GRM7: variants seen among roughly 807,000 people sequenced by gnomAD.
GRM7 encodes glutamate metabotropic receptor 7.
In GRM7, 35 loss-of-function variants were observed where a neutral mutation model predicts 84.5. The ratio of observed to expected loss-of-function variants is 0.41; its 90% CI spans 0.32 to 0.55. The LOEUF (loss-of-function observed/expected upper bound fraction) is 0.55. Ranked by LOEUF, GRM7 falls within the 20% of genes least tolerant of loss-of-function variation. The pLI, the probability that GRM7 is intolerant of heterozygous loss-of-function variation, is 0.19. For missense variants in GRM7, 1,003 were observed against 1,194.6 expected, an observed-to-expected ratio of 0.84 and a Z score of 2.36; for synonymous variants, 487 against 455.1, an observed-to-expected ratio of 1.07 and a Z score of -0.89.
chr3:7,147,355 G>A (rs1694143684), intron 2 of GRM7, among the ~76,000 whole-genome samples: 1 of 152,120 alleles, frequency 6.6e-6, no homozygotes, highest in Non-Finnish European at 1.5e-5. Context: ...CTGACAATAA[G>A]TATTCAGGTT....
chr3:7,354,670 C>A (rs183795233), intron 4 of GRM7, among the ~76,000 whole-genome samples: 2 of 152,128 alleles, frequency 1.3e-5, no homozygotes, highest in Admixed American at 6.6e-5. Context: ...GTGAAGAAGA[C>A]AGATGGATCC....
intron 2 of GRM7, among the ~76,000 whole-genome samples, chr3:7,160,856 A>G (rs574333338): frequency 6.6e-6 from 1 of 152,040 alleles, no homozygotes; most frequent in African/African-American, 2.4e-5. Context: ...CAGCATCCGT[A>G]TCCTGTTTGA....
intron 7 of GRM7, among the ~76,000 whole-genome samples, chr3:7,565,143 A>C (rs1285341122): frequency 6.6e-6 from 1 of 152,216 alleles, no homozygotes; most frequent in African/African-American, 2.4e-5. Flanking sequence ...GAGACTCACA[A>C]AAGTAATTAT....
At chr3:7,611,040 A>G (rs892765609) in intron 8 of GRM7, among the ~76,000 whole-genome samples, 2 of 152,166 alleles carry the variant, frequency 1.3e-5, no homozygotes, top group Non-Finnish European at 2.9e-5. Context: ...ATGCGAGAGA[A>G]TATATTGAAT....
At chr3:7,323,367 A>C (rs1372095630) in intron 4 of GRM7, among the ~76,000 whole-genome samples, 1 of 152,154 alleles carries the variant, frequency 6.6e-6, no homozygotes, top group African/African-American at 2.4e-5. Flanking sequence ...TCCACCCCAT[A>C]ACACCAACAA....
intron 7 of GRM7, among the ~76,000 whole-genome samples, chr3:7,463,700 C>T (rs1698345411): frequency 6.6e-6 from 1 of 151,998 alleles, no homozygotes; most frequent in African/African-American, 2.4e-5. Context: ...ACTAGAGTGA[C>T]CAGCAGGTCA....
intron 2 of GRM7, among the ~76,000 whole-genome samples, chr3:7,279,998 C>A (rs1209220091): frequency 3.9e-5 from 6 of 152,144 alleles, no homozygotes; most frequent in Non-Finnish European, 8.8e-5. Flanking sequence ...AGACTGGTGA[C>A]CACAGGAGAA....
chr3:7,560,729 A>T (rs1280317101), intron 7 of GRM7, among the ~76,000 whole-genome samples: 1 of 152,042 alleles, frequency 6.6e-6, no homozygotes, highest in African/African-American at 2.4e-5. Flanking sequence ...TCATGTTTTC[A>T]CCTTTCAGAT....
chr3:6,930,219 A>G (rs1470603103), intron 1 of GRM7, among the ~76,000 whole-genome samples: 1 of 152,186 alleles, frequency 6.6e-6, no homozygotes, highest in Non-Finnish European at 1.5e-5. Flanking sequence ...AGTATTAGAG[A>G]TAATATATGT....
At chr3:7,061,566 A>C (rs995290701) in intron 1 of GRM7, among the ~76,000 whole-genome samples, 1 of 151,742 alleles carries the variant, frequency 6.6e-6, no homozygotes, top group Non-Finnish European at 1.5e-5. Flanking sequence ...ACATTTATAT[A>C]TTACCCTTTC....
chr3:6,863,968 T>C lies in GRM7; in HGVS notation c.519+2061T>C, dbSNP rs1694852974. 6.6e-6 allele frequency among the ~76,000 whole-genome samples: 1 copy of C among 152,174 alleles called. No homozygotes were observed. The highest frequency in any genetic ancestry group is 6.5e-5 in the Admixed American group (1 of 15,284). On this transcript the variant is annotated intron_variant, in intron 1 of 9. Transcript: ENST00000357716. The surrounding 1 kb of genome is among the most constrained non-coding windows in gnomAD (Gnocchi z 4.8). ...AAATATTCCAGGGGGAGCTGATTCC[T>C]TCTCTGGTGTGTGAACCTGAGGCAA...
At chr3:6,892,899 A>T (rs1232208929) in intron 1 of GRM7, 2 of 152,178 alleles carry the variant, frequency 1.3e-5, no homozygotes, top group African/African-American at 4.8e-5. Context: ...AAATAGAAAG[A>T]TACAAAAATT....
intron 2 of GRM7, among the ~76,000 whole-genome samples, chr3:7,276,893 C>A (rs1699094286): frequency 6.7e-6 from 1 of 150,090 alleles, no homozygotes; most frequent in South Asian, 2.1e-4. Flanking sequence ...TTACTACTAT[C>A]ATTTTGCTTA....
chr3:6,938,735 C>T (rs771051242), intron 1 of GRM7, among the ~76,000 whole-genome samples: 2 of 151,976 alleles, frequency 1.3e-5, no homozygotes, highest in Non-Finnish European at 2.9e-5. Flanking sequence ...AAATTCTGGA[C>T]CATGAAGGTT....
chr3:6,934,148 A>G (rs928450818), intron 1 of GRM7, among the ~76,000 whole-genome samples: 2 of 152,142 alleles, frequency 1.3e-5, no homozygotes, highest in Non-Finnish European at 2.9e-5. Context: ...GTCTAGATTA[A>G]TTATAATCTA....
chr3:7,476,655 A>G (rs1487867697), intron 7 of GRM7, among the ~76,000 whole-genome samples: 3 of 152,214 alleles, frequency 2.0e-5, no homozygotes, highest in African/African-American at 7.2e-5. Context: ...CTGAAACACA[A>G]ATAAGACCAT....
chr3:7,391,669 T>C (rs987738056), intron 4 of GRM7, among the ~76,000 whole-genome samples: 1 of 151,810 alleles, frequency 6.6e-6, no homozygotes, highest in Non-Finnish European at 1.5e-5. Flanking sequence ...GTAACAAACC[T>C]GCACATTGTG....
intron 1 of GRM7, among the ~76,000 whole-genome samples, chr3:6,917,845 G>A (rs920807264): frequency 1.3e-5 from 2 of 152,034 alleles, no homozygotes; most frequent in Admixed American, 6.6e-5. Context: ...TCCTTAAGGG[G>A]CTCCCTCCAT....
At chr3:7,424,888 G>C (rs1696540478) in intron 5 of GRM7, among the ~76,000 whole-genome samples, 1 of 152,204 alleles carries the variant, frequency 6.6e-6, no homozygotes, top group African/African-American at 2.4e-5. Context: ...TTCCAGGAAT[G>C]TGTAGTCAGC....
Sources: gnomAD v4.1 joint callset for allele counts (sites outside exome capture counted in the v4.1 genomes callset) on GRCh38, gnomAD v4.1.1 for gene constraint, Gnocchi (gnomAD v3.1) non-coding constraint, MANE v1.5 for transcripts, NCBI Gene and HGNC (gene_info 2026-07-23, HGNC 2026-07-21) for gene names.